DOCK11: variants seen among roughly 807,000 people sequenced by gnomAD.
The protein encoded by DOCK11 is dedicator of cytokinesis protein 11.
Under a neutral mutation model 169.1 loss-of-function variants are expected in DOCK11, and 70 were observed. The observed-to-expected ratio is 0.41, with a 90% CI of 0.34 to 0.51. DOCK11 has a LOEUF of 0.51. Among genes scored for constraint, DOCK11 ranks in the 20% least tolerant of loss-of-function variants. DOCK11 has a pLI of 0.10. For missense variants in DOCK11, 1,166 were observed against 1,538.8 expected, an observed-to-expected ratio of 0.76 and a Z score of 4.05; for synonymous variants, 529 against 541.3, an observed-to-expected ratio of 0.98 and a Z score of 0.32.
Position 118,685,875 on chromosome X carries a change from A to G in DOCK11, c.*68A>G. ...GAATATTTGGAGCTGTGCAAATGTT[A>G]AAATTTAAAGATTTGATATACATGG... On this transcript the variant is annotated 3_prime_UTR_variant, in exon 53 of 53. Coordinates refer to ENST00000276202, the MANE Select transcript of DOCK11 (RefSeq NM_144658.4). 1.7e-6 allele frequency: 2 copies of G among 1,153,447 alleles called. No homozygotes were observed. Among genetic ancestry groups the G allele is most frequent in the Non-Finnish European group, 2.3e-6 (2 of 861,615 alleles).
Position 118,596,696 on chromosome X carries a change from A to G in DOCK11, c.2264-735A>G, listed in dbSNP as rs139650380. Among the ~76,000 whole-genome samples, 501 of 111,937 alleles carry G rather than the reference A, an allele frequency of 4.5e-3. 4 individuals are homozygous for G. Among genetic ancestry groups the G allele is most frequent in the African/African-American group, 0.014 (443 of 30,795 alleles). ...TGGCTTTTTTAGCTAGAACATGATGAGTTTTCTAATTGAAAGCCAAAAGGC... is the reference window on the plus strand; with the variant it reads ...TGGCTTTTTTAGCTAGAACATGATGGGTTTTCTAATTGAAAGCCAAAAGGC... On this transcript the variant is annotated intron_variant, in intron 20 of 52. Transcript: ENST00000276202.
intron 10 of DOCK11, among the ~76,000 whole-genome samples, chrX:118,570,945 C>T (rs937024401): frequency 1.8e-5 from 2 of 112,111 alleles, no homozygotes; most frequent in African/African-American, 6.5e-5. Context: ...CCAATATCTT[C>T]TTCTTAAACT....
intron 40 of DOCK11, among the ~76,000 whole-genome samples, chrX:118,648,519 AAT>A (rs1190126173): frequency 3.3e-3 from 298 of 89,823 alleles, no homozygotes; most frequent in African/African-American, 9.4e-3. Flanking sequence ...ATTAATATGT[AAT>A]ATATATATAT....
chrX:118,500,838 C>CA (rs1416132007), intron 1 of DOCK11, among the ~76,000 whole-genome samples: 1 of 110,613 alleles, frequency 9.0e-6, no homozygotes, highest in Non-Finnish European at 1.9e-5. Context: ...GACAGGGTTT[C>CA]ACAGTGTTTC....
chrX:118,569,030 G>A (rs1298935323), intron 10 of DOCK11, among the ~76,000 whole-genome samples: 9 of 92,839 alleles, frequency 9.7e-5, no homozygotes, highest in African/African-American at 3.6e-4. Context: ...GTCTGATTTT[G>A]TTGTTGTCGT....
At chrX:118,568,373 TATATATATATA>T (rs1569418505) in intron 10 of DOCK11, among the ~76,000 whole-genome samples, 3 of 1,155 alleles carry the variant, frequency 2.6e-3, no homozygotes, top group African/African-American at 8.4e-3. Flanking sequence ...GGCTGAATTA[TATATATATATA>T]TATATATATA....
Position 118,561,365 on chromosome X carries a change from T to C in DOCK11, c.559-18T>C. 8.6e-7 allele frequency: 1 copy of C among 1,169,110 alleles called. No homozygotes were observed. The highest frequency in any genetic ancestry group is 1.1e-6 in the Non-Finnish European group (1 of 874,989). Reference sequence around the variant, plus strand: ...GTATATGTAACAAATGTATCATTGCTGGGTTTTCCCCATGTAGGTATTCAA... The same window carrying C: ...GTATATGTAACAAATGTATCATTGCCGGGTTTTCCCCATGTAGGTATTCAA... On this transcript the variant is annotated intron_variant, in intron 6 of 52. Transcript: ENST00000276202.
chrX:118,647,754 TATA>T (rs2015754760), intron 40 of DOCK11, among the ~76,000 whole-genome samples: 1 of 43,696 alleles, frequency 2.3e-5, no homozygotes. Flanking sequence ...TATATAATAA[TATA>T]TAATATATTA....
chrX:118,672,966 T>C (rs2147584417), intron 46 of DOCK11, among the ~76,000 whole-genome samples: 1 of 112,139 alleles, frequency 8.9e-6, no homozygotes, highest in Non-Finnish European at 1.9e-5. Context: ...GTGAATATAT[T>C]AATAAGCTGA....
chrX:118,587,916 C>T (rs1382887446), intron 16 of DOCK11, among the ~76,000 whole-genome samples: 1 of 111,999 alleles, frequency 8.9e-6, no homozygotes, highest in Admixed American at 9.5e-5. Context: ...TAGCACTCCA[C>T]GTCTGGTATG....
Position 118,572,432 on chromosome X carries a change from T to C in DOCK11, c.1145T>C (p.Ile382Thr). The C allele has an allele frequency of 8.3e-7, 1 of 1,206,339 alleles. No homozygotes were observed. The highest frequency in any genetic ancestry group is 1.8e-5 in the South Asian group (1 of 55,662). Residue 382 changes from isoleucine to threonine, a missense_variant, in exon 11 of 53, where the codon ATT becomes ACT. Ile to Thr is a moderately conservative substitution (Grantham distance 89). Coordinates refer to ENST00000276202, the MANE Select transcript of DOCK11 (RefSeq NM_144658.4). ...TTAACTTTCAATATCTTGGGCCAAA[T>C]TGGAGACAATGCAAAAGGACCACCC... ...HDLTFNILGQ[I>T]GDNAKGPPTN...
intron 52 of DOCK11, among the ~76,000 whole-genome samples, chrX:118,683,769 T>G (rs1158437587): frequency 8.9e-6 from 1 of 112,199 alleles, no homozygotes; most frequent in Non-Finnish European, 1.9e-5. Context: ...TTTATAAAAT[T>G]TTGTTTTCCT....
intron 6 of DOCK11, among the ~76,000 whole-genome samples, chrX:118,559,517 C>T (rs940352646): frequency 4.5e-5 from 5 of 111,540 alleles, no homozygotes; most frequent in Non-Finnish European, 9.4e-5. Context: ...GTGTTCATTA[C>T]ATGTTATTCA....
chrX:118,582,951 A>G (rs180856721), intron 14 of DOCK11, among the ~76,000 whole-genome samples: 1 of 112,378 alleles, frequency 8.9e-6, no homozygotes, highest in African/African-American at 3.2e-5. Flanking sequence ...AGGATTATAA[A>G]TCATTCTACT....
intron 41 of DOCK11, 101 bp from the exon 42 acceptor site, chrX:118,651,863 A>T: frequency 1.9e-6 from 1 of 525,902 alleles, no homozygotes; most frequent in Non-Finnish European, 3.2e-6. Context: ...AATCTTTAAA[A>T]GAAGCATTTC....
chrX:118,603,232 G>C (rs1219387875), intron 23 of DOCK11, among the ~76,000 whole-genome samples: 1 of 112,983 alleles, frequency 8.9e-6, no homozygotes, highest in East Asian at 2.8e-4. Context: ...CTATAGTACA[G>C]TGTGCATTGT....
chrX:118,624,037 T>C (rs967654658), intron 31 of DOCK11, among the ~76,000 whole-genome samples: 10 of 112,903 alleles, frequency 8.9e-5, no homozygotes, highest in Non-Finnish European at 1.9e-4. Flanking sequence ...ATTATTGTAA[T>C]TGTAGCTTTA....
At chrX:118,498,754 G>GTT (rs983854470) in intron 1 of DOCK11, among the ~76,000 whole-genome samples, 1 of 107,474 alleles carries the variant, frequency 9.3e-6, no homozygotes, top group African/African-American at 3.4e-5. Flanking sequence ...TCCTGTTTAG[G>GTT]TTTTTTTTTT....
intron 6 of DOCK11, among the ~76,000 whole-genome samples, chrX:118,554,914 A>G (rs745532839): frequency 8.9e-6 from 1 of 112,064 alleles, no homozygotes; most frequent in East Asian, 2.8e-4. Flanking sequence ...AATACAAGGA[A>G]AGCACTTAAC....
Sources: allele counts gnomAD v4.1 joint callset (sites outside exome capture counted in the v4.1 genomes callset), GRCh38; gene constraint gnomAD v4.1.1; transcripts MANE v1.5; gene names NCBI Gene and HGNC (gene_info 2026-07-23, HGNC 2026-07-21).